Variants in GNL3L observed in about 807,000 individuals in gnomAD.
GNL3L encodes the protein guanine nucleotide-binding protein-like 3-like protein.
A neutral mutation model predicts 42.9 loss-of-function variants in GNL3L; 4 were observed. That is an observed-to-expected ratio of 0.09 (90% CI 0.05 to 0.21). The LOEUF is 0.21. Ranked by LOEUF, GNL3L falls within the 10% of genes least tolerant of loss-of-function variation. GNL3L has a pLI of 1.00. For synonymous variants in GNL3L, 159 were observed against 176.3 expected, an observed-to-expected ratio of 0.90 and a Z score of 0.78; for missense variants, 412 against 481.7, an observed-to-expected ratio of 0.86 and a Z score of 1.36.
chrX:54,535,929 ATT>A (rs1156467112), intron 2 of GNL3L, among the ~76,000 whole-genome samples: 4 of 94,498 alleles, frequency 4.2e-5, no homozygotes, highest in Non-Finnish European at 4.2e-5. Flanking sequence ...CACCTGGCTA[ATT>A]TTTTTTTTTT....
intron 16 of GNL3L, among the ~76,000 whole-genome samples, chrX:54,597,496 C>T (rs898569261): frequency 1.8e-5 from 2 of 111,068 alleles, no homozygotes; most frequent in Non-Finnish European, 3.8e-5. Context: ...GCAAGCTGTG[C>T]AGCCTGGGGT....
intron 5 of GNL3L, among the ~76,000 whole-genome samples, chrX:54,541,944 T>C (rs1924632812): frequency 1.8e-5 from 2 of 110,754 alleles, no homozygotes; most frequent in Admixed American, 1.9e-4. Flanking sequence ...TTCACACCCA[T>C]GTGCACACTC....
In GNL3L at chrX:54,530,226, G is replaced by A. The variant is rs1364745144; in HGVS notation, c.-241G>A. On this transcript the variant is annotated 5_prime_UTR_variant, in exon 1 of 16. Coordinates refer to ENST00000360845, the MANE Select transcript of GNL3L (RefSeq NM_001184819.2). The stretch of plus-strand genomic sequence containing the variant: ...GCCGGCCTGGGATCCGGAAGTCGGA[G>A]CCTAGCTGCGCGAGAGTTTCTGCTC... 9.9e-6 allele frequency: 1 copy of A among 100,728 alleles called. No individual in the cohort carries two copies. The highest frequency in any genetic ancestry group is 3.6e-4 in the East Asian group (1 of 2,741). The allele number at this position is 100,728 out of a possible 1,213,427, so 8.3% of individuals were successfully genotyped here.
At chrX:54,643,734 A>G in the GNL3L span, among the ~76,000 whole-genome samples, 1 of 111,094 alleles carries the variant, frequency 9.0e-6, no homozygotes, top group Non-Finnish European at 1.9e-5. Context: ...ATCTAACTGT[A>G]TTTTTGTACC....
chrX:54,572,728 A>G (rs1286327902), intron 16 of GNL3L, among the ~76,000 whole-genome samples: 2 of 108,957 alleles, frequency 1.8e-5, no homozygotes, highest in African/African-American at 3.4e-5. Flanking sequence ...TGCCGGGCGG[A>G]GATGCTCCTC....
intron 16 of GNL3L, among the ~76,000 whole-genome samples, chrX:54,616,098 A>G (rs979809765): frequency 5.3e-5 from 6 of 112,490 alleles, no homozygotes; most frequent in Non-Finnish European, 9.4e-5. Flanking sequence ...GAGCTGGAGG[A>G]ACTCATTGAA....
At chrX:54,532,407 T>A in intron 1 of GNL3L, 113 bp from the exon 2 acceptor site, 1 of 485,864 alleles carries the variant, frequency 2.1e-6, no homozygotes. Flanking sequence ...TCCTAATTAT[T>A]ACGCCTTCCT....
At chrX:54,537,135 G>A (rs908903123) in intron 2 of GNL3L, among the ~76,000 whole-genome samples, 4 of 106,124 alleles carry the variant, frequency 3.8e-5, no homozygotes, top group Admixed American at 3.1e-4. Flanking sequence ...CAGTCCTCCC[G>A]CCTCAGCTTC....
chrX:54,552,542 AAGTTGCTTAAGC>A, intron 13 of GNL3L, 114 bp downstream of exon 13: 1 of 660,852 alleles, frequency 1.5e-6, no homozygotes, highest in Non-Finnish European at 2.3e-6. Flanking sequence ...GGCTTTGGGC[AAGTTGCTTAAGC>A]AGCTTCAGGC....
chrX:54,551,461 A>T, intron 10 of GNL3L, 107 bp from the exon 11 acceptor site: 1 of 632,568 alleles, frequency 1.6e-6, no homozygotes, highest in Non-Finnish European at 2.5e-6. Context: ...TTCGTCTCTA[A>T]TGCACCCTCC....
Position 54,543,188 on chromosome X carries a change from C to A in GNL3L, c.391-19C>A, listed in dbSNP as rs1158382448. On this transcript the variant is annotated intron_variant, in intron 6 of 15. Coordinates refer to ENST00000360845, the MANE Select transcript of GNL3L (RefSeq NM_001184819.2). Reference sequence around the variant, plus strand: ...CCTATCCTTTTCCTGCCCTCATCTCCTGGTCCTCTGCCCTGCAGGTGGTGG... The same window carrying A: ...CCTATCCTTTTCCTGCCCTCATCTCATGGTCCTCTGCCCTGCAGGTGGTGG... The A allele has an allele frequency of 8.3e-7, 1 of 1,208,339 alleles. No individual in the cohort carries two copies. Among genetic ancestry groups the A allele is most frequent in the Non-Finnish European group, 1.1e-6 (1 of 892,796 alleles).
chrX:54,630,268 C>T, the GNL3L span, among the ~76,000 whole-genome samples: 1 of 109,219 alleles, frequency 9.2e-6, no homozygotes, highest in African/African-American at 3.3e-5. Flanking sequence ...CTGCTCTGAT[C>T]TTTCTTACTT....
intron 16 of GNL3L, among the ~76,000 whole-genome samples, chrX:54,575,718 A>G (rs112598898): frequency 0.041 from 4,399 of 107,810 alleles, 82 homozygotes; most frequent in South Asian, 0.1. Context: ...TGGGTGACAG[A>G]GCAAGACTCC....
chrX:54,614,585 C>G (rs1398973177), intron 16 of GNL3L, among the ~76,000 whole-genome samples: 1 of 111,253 alleles, frequency 9.0e-6, no homozygotes, highest in African/African-American at 3.3e-5. Flanking sequence ...AGCCAGCTCC[C>G]CGGGCCTTTC....
chrX:54,627,652 G>A, the GNL3L span, among the ~76,000 whole-genome samples: 2 of 111,098 alleles, frequency 1.8e-5, no homozygotes, highest in Admixed American at 9.6e-5. Context: ...TTGCTATCAA[G>A]TTTCCTCTTA....
intron 16 of GNL3L, among the ~76,000 whole-genome samples, chrX:54,572,328 T>C (rs1201072730): frequency 9.1e-6 from 1 of 110,096 alleles, no homozygotes; most frequent in Non-Finnish European, 1.9e-5. Context: ...GGGGGTAAGG[T>C]CACAGATCAA....
chrX:54,607,075 TTTC>T (rs1412691190), intron 16 of GNL3L, among the ~76,000 whole-genome samples: 6 of 36,882 alleles, frequency 1.6e-4, no homozygotes, highest in African/African-American at 6.6e-4. Context: ...TTTCTTTCTC[TTTC>T]TTTCTTCTTT....
At chrX:54,535,353 G>C (rs1924388760) in intron 2 of GNL3L, among the ~76,000 whole-genome samples, 1 of 111,247 alleles carries the variant, frequency 9.0e-6, no homozygotes, top group African/African-American at 3.3e-5. Context: ...TCCTGACCTA[G>C]TGATCCGCCC....
At chrX:54,535,286 T>G (rs1267077136) in intron 2 of GNL3L, among the ~76,000 whole-genome samples, 2 of 110,392 alleles carry the variant, frequency 1.8e-5, no homozygotes, top group African/African-American at 6.6e-5. Flanking sequence ...GCCCAGCTAA[T>G]TTTTGTATTT....
Sources: gnomAD v4.1 joint callset for allele counts (sites outside exome capture counted in the v4.1 genomes callset) on GRCh38, gnomAD v4.1.1 for gene constraint, MANE v1.5 for transcripts, NCBI Gene and HGNC (gene_info 2026-07-23, HGNC 2026-07-21) for gene names.